Variants in ENG observed in about 807,000 individuals in gnomAD.
ENG encodes the protein CD105 antigen.
ENG carries 17 observed loss-of-function variants against 71.0 expected under a neutral mutation model. The ratio of observed to expected loss-of-function variants is 0.24; its 90% CI spans 0.16 to 0.36. The LOEUF is 0.36. ENG is among the 10% of genes least tolerant of loss of function. The pLI, the probability that ENG is intolerant of heterozygous loss-of-function variation, is 1.00. For missense variants in ENG, 749 were observed against 868.3 expected, an observed-to-expected ratio of 0.86 and a Z score of 1.73; for synonymous variants, 360 against 366.9, an observed-to-expected ratio of 0.98 and a Z score of 0.21.
chr9:127,834,165 T>C (rs1830836798), intron 2 of ENG, among the ~76,000 whole-genome samples: 1 of 152,262 alleles, frequency 6.6e-6, no homozygotes, highest in East Asian at 1.9e-4. Context: ...CTCCGCCTCC[T>C]GGGTTCAAGC....
In ENG at chr9:127,818,768, T is replaced by G; in HGVS notation, c.1376A>C (p.His459Pro). Residue 459 changes from histidine to proline, a missense_variant, in exon 11 of 15, where the codon CAC becomes CCC. By Grantham distance (77) the His-to-Pro change is moderately conservative. Transcript: ENST00000373203. Reference protein sequence around the residue: ...SFQLGLYLSPHFLQASNTIEP... With the variant: ...SFQLGLYLSPPFLQASNTIEP... Reference sequence around the variant, plus strand: ...GATGGTGTTGGAGGCCTGGAGGAAGTGTGGGCTGAGGTAGAGGCCCAGCTG... The same window carrying G: ...GATGGTGTTGGAGGCCTGGAGGAAGGGTGGGCTGAGGTAGAGGCCCAGCTG... 1 of 1,613,974 alleles carries G rather than the reference T, an allele frequency of 6.2e-7. No individual in the cohort carries two copies. Among genetic ancestry groups the G allele is most frequent in the Non-Finnish European group, 8.5e-7 (1 of 1,179,990 alleles).
intron 1 of ENG, among the ~76,000 whole-genome samples, chr9:127,853,719 A>G (rs2131935645): frequency 6.6e-6 from 1 of 152,212 alleles, no homozygotes; most frequent in African/African-American, 2.4e-5. Flanking sequence ...AAATAAAACA[A>G]CACAGAAGTG....
rs760343595 is a variant in ENG, at chr9:127,820,042, G to T, written c.1135-5C>A. On this transcript the variant is annotated splice_polypyrimidine_tract_variant and splice_region_variant and intron_variant, in intron 8 of 14. Transcript: ENST00000373203. ...CGTGATGGTGCACTTCAAATGCTGG[G>T]TCGGAAGAGAGGGGCACCATCAGGA... 1 of 1,613,552 alleles carries T rather than the reference G, an allele frequency of 6.2e-7. No individual in the cohort carries two copies. The highest frequency in any genetic ancestry group is 2.2e-5 in the East Asian group (1 of 44,866).
chr9:127,817,796 A>G (rs1830364165), intron 12 of ENG: 7 of 485,476 alleles, frequency 1.4e-5, no homozygotes, highest in South Asian at 1.2e-4. Flanking sequence ...TGACCATACT[A>G]CATGGATGTG....
Position 127,815,943 on chromosome 9 carries a change from G to C in ENG, c.1852C>G (p.Arg618Gly). The C allele has an allele frequency of 1.3e-6, 2 of 1,595,192 alleles. No homozygotes were observed. The highest frequency in any genetic ancestry group is 1.7e-6 in the Non-Finnish European group (2 of 1,171,542). ...CACTGTGGGGGCCTGGGGTACTCAC[G>C]CGTGTGCGAGTAGATGTACCAGAGT... ...AALWYIYSHT[R>G]SPSKREPVVA... is the part of the protein sequence containing the mutation. Residue 618 changes from arginine (R) to glycine (G), a missense_variant and splice_region_variant, in exon 14 of 15, where the codon CGT becomes GGT. By Grantham distance (125) the Arg-to-Gly change is moderately radical. Coordinates refer to ENST00000373203, the MANE Select transcript of ENG (RefSeq NM_001114753.3).
chr9:127,822,537 T>G (rs1830491904), intron 8 of ENG: 1 of 152,262 alleles, frequency 6.6e-6, no homozygotes, highest in Non-Finnish European at 1.5e-5. Context: ...TTTGCATATT[T>G]ATAATACTAC....
intron 1 of ENG, among the ~76,000 whole-genome samples, chr9:127,853,436 G>A (rs573660511): frequency 6.6e-6 from 1 of 152,332 alleles, no homozygotes; most frequent in Non-Finnish European, 1.5e-5. Flanking sequence ...GGGATAGGGA[G>A]TGGGACATGG....
rs763475207 is a variant in ENG, at chr9:127,818,337, A to G, written c.1469T>C (p.Leu490Ser). ...CCCCAAGTCCAGGTGGCAGCTGTCTAACTGGAGCAGGAACTCGGAGACGGA... is the reference window on the plus strand; with the variant it reads ...CCCCAAGTCCAGGTGGCAGCTGTCTGACTGGAGCAGGAACTCGGAGACGGA... ...SPSVSEFLLQ[L>S]DSCHLDLGPE... The change falls in exon 12 of 15, where the codon TTA becomes TCA. Residue 490 changes from leucine to serine, a missense_variant. Leu to Ser is a moderately radical substitution (Grantham distance 145, BLOSUM62 -2). Coordinates refer to ENST00000373203, the MANE Select transcript of ENG (RefSeq NM_001114753.3). 1 of 1,614,004 alleles carries G rather than the reference A, an allele frequency of 6.2e-7. No individual in the cohort carries two copies. The highest frequency in any genetic ancestry group is 8.5e-7 in the Non-Finnish European group (1 of 1,179,998).
At position 127,819,663 on chromosome 9, in the gene ENG, G is replaced by A; in HGVS notation, c.1273-3C>T. 1 of 1,608,962 alleles carries A rather than the reference G, an allele frequency of 6.2e-7. No individual in the cohort carries two copies. Among genetic ancestry groups the A allele is most frequent in the Non-Finnish European group, 8.5e-7 (1 of 1,177,676 alleles). On this transcript the variant is annotated splice_region_variant and splice_polypyrimidine_tract_variant and intron_variant, in intron 9 of 14. Transcript: ENST00000373203. ...CTCGACAGGATATTGACCACCGCCT[G>A]CGGGGATAAAGCCAGGGAGCTGGTC...
At chr9:127,834,736 A>T (rs900538364) in intron 2 of ENG, among the ~76,000 whole-genome samples, 5 of 148,552 alleles carry the variant, frequency 3.4e-5, no homozygotes, top group Non-Finnish European at 5.9e-5. Context: ...ATGGGGTTTC[A>T]CCTTTTTGGC....
At chr9:127,832,326 C>T (rs1213524029) in intron 2 of ENG, among the ~76,000 whole-genome samples, 1 of 152,012 alleles carries the variant, frequency 6.6e-6, no homozygotes, top group Non-Finnish European at 1.5e-5. Flanking sequence ...CTGCCCGCCT[C>T]GGCCTCCCAA....
chr9:127,826,444 G>A, intron 4 of ENG, 66 bp downstream of exon 4: 3 of 1,601,220 alleles, frequency 1.9e-6, no homozygotes, highest in Non-Finnish European at 2.6e-6. Context: ...TGAGGTGTGG[G>A]CCAGAGGAGC....
At chr9:127,819,726 A>G (rs2131878775) in intron 9 of ENG, 66 bp from the exon 10 acceptor site, 1 of 1,585,234 alleles carries the variant, frequency 6.3e-7, no homozygotes, top group Non-Finnish European at 8.6e-7. Flanking sequence ...CCCACCCAAT[A>G]CGCCCATTTT....
intron 2 of ENG, among the ~76,000 whole-genome samples, chr9:127,839,471 G>T (rs1044095733): frequency 6.6e-6 from 1 of 152,212 alleles, no homozygotes; most frequent in Non-Finnish European, 1.5e-5. Flanking sequence ...AGCAGCAGGA[G>T]GAGGAAGGCC....
intron 14 of ENG, 30 bp downstream of exon 14, chr9:127,815,913 A>C (rs748422950): frequency 1.9e-6 from 3 of 1,583,038 alleles, no homozygotes; most frequent in East Asian, 2.3e-5. Context: ...GGGGCCCGGC[A>C]TGCTCACTGT....
chr9:127,826,269 T>C (rs1408218997), intron 4 of ENG, among the ~76,000 whole-genome samples: 1 of 152,192 alleles, frequency 6.6e-6, no homozygotes, highest in East Asian at 1.9e-4. Context: ...AGATGCACAA[T>C]AGATCGTATG....
chr9:127,827,219 A>C (rs1830640629), intron 3 of ENG: 1 of 155,958 alleles, frequency 6.4e-6, no homozygotes, highest in South Asian at 1.9e-4. Context: ...GGAAGAAAGA[A>C]GAAAGGGATG....
intron 1 of ENG, 35 bp downstream of exon 1, chr9:127,854,254 C>G: frequency 6.4e-7 from 1 of 1,559,054 alleles, no homozygotes; most frequent in East Asian, 2.4e-5. Flanking sequence ...GCACCGGAGG[C>G]CGAGTCTCCC....
rs746358974 is a variant in ENG at position 127,825,712 on chromosome 9, C to G, written c.672G>C (p.Leu224=). The change falls in exon 5 of 15, where the codon CTG becomes CTC. Residue 224 remains leucine (L), a synonymous_variant. Transcript: ENST00000373203. ...AGCCATACCCGGCCGAGTGGCCCGG[C>G]AGGACCCTCAGGATGTGCGCCTCCT... ...GHKEAHILRV[L]PGHSAGPRTV... 5.0e-6 allele frequency: 8 copies of G among 1,587,276 alleles called. No individual in the cohort carries two copies. In the South Asian group the frequency reaches 9.0e-5, roughly 18 times the overall value.
Sources: gnomAD v4.1 joint callset for allele counts (sites outside exome capture counted in the v4.1 genomes callset) on GRCh38, gnomAD v4.1.1 for gene constraint, MANE v1.5 for transcripts, NCBI Gene and HGNC (gene_info 2026-07-23, HGNC 2026-07-21) for gene names.